PEPD: variants seen among roughly 807,000 people sequenced by gnomAD.
PEPD encodes the protein xaa-Pro dipeptidase.
A neutral mutation model predicts 60.7 loss-of-function variants in PEPD; 53 were observed. That is an observed-to-expected ratio of 0.87 (90% CI 0.70 to 1.10). PEPD has a LOEUF of 1.10. Among genes scored for constraint, PEPD ranks in the 50% least tolerant of loss-of-function variants. PEPD has a pLI of 0.00. For missense variants in PEPD, 711 were observed against 711.9 expected, an observed-to-expected ratio of 1.00 and a Z score of 0.01; for synonymous variants, 267 against 284.1, an observed-to-expected ratio of 0.94 and a Z score of 0.60.
intron 13 of PEPD, 178 bp from the exon 14 acceptor site, chr19:33,388,259 C>T (rs1465323166): frequency 1.4e-6 from 1 of 703,122 alleles, no homozygotes; most frequent in African/African-American, 1.7e-5. Flanking sequence ...TAAGACCTTC[C>T]ACCCTGCACA....
chr19:33,417,064 A>C (rs1006002832), intron 9 of PEPD, among the ~76,000 whole-genome samples: 1 of 152,252 alleles, frequency 6.6e-6, no homozygotes, highest in South Asian at 2.1e-4. Flanking sequence ...ATCACCTAAC[A>C]TGAAGACGAG....
chr19:33,390,318 T>G (rs1968184924), intron 13 of PEPD, among the ~76,000 whole-genome samples: 1 of 152,256 alleles, frequency 6.6e-6, no homozygotes, highest in Non-Finnish European at 1.5e-5. Context: ...CTTGGCTCCC[T>G]GCACACAATG....
chr19:33,407,693 C>T (rs999183734), intron 11 of PEPD, among the ~76,000 whole-genome samples: 1 of 152,222 alleles, frequency 6.6e-6, no homozygotes, highest in African/African-American at 2.4e-5. Flanking sequence ...AGCGAATGGC[C>T]CCTCTGGTAC....
chr19:33,493,308 G>C lies in PEPD; in HGVS notation c.423C>G (p.Pro141=). Residue 141 remains proline, a synonymous_variant, in exon 5 of 15, where the codon CCC becomes CCG. Coordinates refer to ENST00000244137, the MANE Select transcript of PEPD (RefSeq NM_000285.4). ...CACTTACCAAAGTGAGGAGGACAGA[G>C]GGCTTCTGTGACGTCAGGACGCTGG... ...EIASVLTSQK[P]SVLLTLRGVN... 6.2e-7 allele frequency: 1 copy of C among 1,613,478 alleles called. No individual in the cohort carries two copies. The highest frequency in any genetic ancestry group is 1.7e-5 in the Admixed American group (1 of 60,016).
At chr19:33,414,793 A>G (rs1042067526) in intron 9 of PEPD, among the ~76,000 whole-genome samples, 6 of 152,258 alleles carry the variant, frequency 3.9e-5, no homozygotes, top group African/African-American at 1.4e-4. Flanking sequence ...GGTAGATTCA[A>G]TGGGCTTTCA....
chr19:33,432,882 G>T (rs1203654778), intron 9 of PEPD, among the ~76,000 whole-genome samples: 2 of 152,254 alleles, frequency 1.3e-5, no homozygotes, highest in African/African-American at 4.8e-5. Flanking sequence ...GATGGTGGCA[G>T]TGACATGGCC....
intron 11 of PEPD, among the ~76,000 whole-genome samples, chr19:33,411,082 G>A (rs1445081734): frequency 6.6e-6 from 1 of 152,126 alleles, no homozygotes; most frequent in Non-Finnish European, 1.5e-5. Context: ...GGCGGAGGCC[G>A]CAGGGCCTGC....
chr19:33,473,220 C>T (rs1443947994), intron 7 of PEPD, among the ~76,000 whole-genome samples: 1 of 152,180 alleles, frequency 6.6e-6, no homozygotes, highest in Non-Finnish European at 1.5e-5. Context: ...TCCCATGTGG[C>T]TTTCTTGCTG....
intron 14 of PEPD, 76 bp from the exon 15 acceptor site, chr19:33,387,557 G>A (rs180990350): frequency 1.1e-5 from 18 of 1,584,394 alleles, no homozygotes; most frequent in South Asian, 5.5e-5. Context: ...CCCATTCCAG[G>A]CCCACCCCAC....
intron 13 of PEPD, among the ~76,000 whole-genome samples, chr19:33,390,260 G>A (rs1236552350): frequency 2.0e-5 from 3 of 152,358 alleles, no homozygotes; most frequent in East Asian, 3.9e-4. Context: ...GCGCTTTGGC[G>A]ACTAATGAAT....
At chr19:33,417,461 T>A (rs1035097355) in intron 9 of PEPD, among the ~76,000 whole-genome samples, 7 of 152,160 alleles carry the variant, frequency 4.6e-5, no homozygotes, top group Non-Finnish European at 1.0e-4. Context: ...GGGCCCCACA[T>A]ACCCAGCCTT....
At chr19:33,458,151 T>C (rs1169596663) in intron 9 of PEPD, among the ~76,000 whole-genome samples, 1 of 151,698 alleles carries the variant, frequency 6.6e-6, no homozygotes, top group African/African-American at 2.4e-5. Flanking sequence ...GTGTGGTGTG[T>C]GCATATGGCT....
chr19:33,479,609 G>C (rs12461525), intron 6 of PEPD, among the ~76,000 whole-genome samples: 63,736 of 151,826 alleles, frequency 0.42, 14,180 homozygotes, highest in African/African-American at 0.57. Context: ...GTGTGTTGTC[G>C]CCCTCTATGT....
chr19:33,443,805 G>C (rs1460226457), intron 9 of PEPD, among the ~76,000 whole-genome samples: 1 of 152,250 alleles, frequency 6.6e-6, no homozygotes, highest in Non-Finnish European at 1.5e-5. Flanking sequence ...CAAGCACACA[G>C]TGTGTCCTCA....
intron 9 of PEPD, among the ~76,000 whole-genome samples, chr19:33,444,406 A>G (rs756882998): frequency 5.3e-5 from 8 of 152,046 alleles, no homozygotes; most frequent in Admixed American, 1.3e-4. Context: ...TGGAAAAGGC[A>G]GCGACTGATA....
rs765992641 is a variant in PEPD at position 33,512,659 on chromosome 19, G to A, written c.135C>T (p.Ile45=). 13 of 1,613,976 alleles carry A rather than the reference G, an allele frequency of 8.1e-6. No individual in the cohort carries two copies. Among genetic ancestry groups the A allele is most frequent in the South Asian group, 5.5e-5 (5 of 91,074 alleles). Residue 45 remains isoleucine (I), a synonymous_variant, in exon 2 of 15, where the codon ATC becomes ATT. Coordinates refer to ENST00000244137, the MANE Select transcript of PEPD (RefSeq NM_000285.4). ...RKNPAVQAGS[I]VVLQGGEETQ... is the part of the protein sequence containing the mutation. ...TCTCCTCCCCGCCCTGCAGGACCAC[G>A]ATGGAGCCGGCCTGCACAGCAGGGT...
At chr19:33,401,481 C>T (rs1193647549) in intron 12 of PEPD, among the ~76,000 whole-genome samples, 2 of 152,174 alleles carry the variant, frequency 1.3e-5, no homozygotes, top group African/African-American at 2.4e-5. Context: ...GCCAGCAGAC[C>T]GGGGAGCCTT....
At chr19:33,452,191 C>CTTTTGGTT (rs1471567304) in intron 9 of PEPD, among the ~76,000 whole-genome samples, 1 of 152,086 alleles carries the variant, frequency 6.6e-6, no homozygotes, top group Non-Finnish European at 1.5e-5. Context: ...AGCTAAAAAC[C>CTTTTGGTT]AAAAGGTCAC....
chr19:33,486,243 A>G (rs903915811), intron 6 of PEPD, among the ~76,000 whole-genome samples: 1 of 15,336 alleles, frequency 6.5e-5, no homozygotes, highest in African/African-American at 2.7e-4. Context: ...CTCAGCCCCC[A>G]CTAGCCCCCA....
Sources: gnomAD v4.1 joint callset for allele counts (sites outside exome capture counted in the v4.1 genomes callset) on GRCh38, gnomAD v4.1.1 for gene constraint, MANE v1.5 for transcripts, NCBI Gene and HGNC (gene_info 2026-07-23, HGNC 2026-07-21) for gene names.